The following KDM4C variants were observed in gnomAD, a reference collection of about 807,000 sequenced individuals.
The protein encoded by KDM4C is lysine-specific demethylase 4C.
In KDM4C, 81 loss-of-function variants were observed where a neutral mutation model predicts 129.3. The observed-to-expected ratio is 0.63, with a 90% CI of 0.52 to 0.75. The LOEUF is 0.75. Among genes scored for constraint, KDM4C ranks in the 30% least tolerant of loss-of-function variants. KDM4C has a pLI of 0.00. For synonymous variants in KDM4C, 573 were observed against 456.1 expected, an observed-to-expected ratio of 1.26 and a Z score of -3.26; for missense variants, 1,457 against 1,304.0, an observed-to-expected ratio of 1.12 and a Z score of -1.81.
In KDM4C at chr9:7,015,918, G is replaced by A. The variant is rs1281794398; in HGVS notation, c.2248G>A (p.Ala750Thr). Residue 750 changes from alanine to threonine, a missense_variant, in exon 15 of 22, where the codon GCG (alanine) becomes ACG (threonine). Coordinates refer to ENST00000381309, the MANE Select transcript of KDM4C (RefSeq NM_015061.6). Reference protein sequence around the residue: ...GWLCARCKRNAWTAECCLCNL... With the variant: ...GWLCARCKRNTWTAECCLCNL... ...GCTGTGTGCCCGGTGCAAAAGAAAT[G>A]CGTGGACAGCAGTAAGTAGCTTATT... 3.1e-6 allele frequency: 5 copies of A among 1,611,380 alleles called. No individual in the cohort carries two copies. Among genetic ancestry groups the A allele is most frequent in the Non-Finnish European group, 4.2e-6 (5 of 1,177,944 alleles).
At chr9:6,840,549 A>T (rs898324300) in intron 4 of KDM4C, among the ~76,000 whole-genome samples, 1 of 152,088 alleles carries the variant, frequency 6.6e-6, no homozygotes, top group African/African-American at 2.4e-5. Flanking sequence ...GGCGTCTGCC[A>T]CCACGCCTGG....
chr9:6,975,229 T>G (rs1272652613), intron 8 of KDM4C, among the ~76,000 whole-genome samples: 1 of 152,146 alleles, frequency 6.6e-6, no homozygotes, highest in Non-Finnish European at 1.5e-5. Flanking sequence ...GAAACTTATT[T>G]TGGAAAATTG....
chr9:6,990,548 ATTTTTT>A (rs35634202), intron 12 of KDM4C, 24 bp downstream of exon 12: 22 of 1,178,674 alleles, frequency 1.9e-5, no homozygotes, highest in South Asian at 4.4e-5. Flanking sequence ...CCTTTTTGGG[ATTTTTT>A]TTTTTTTTTT....
At chr9:6,949,085 G>T (rs1273932388) in intron 8 of KDM4C, among the ~76,000 whole-genome samples, 1 of 143,890 alleles carries the variant, frequency 6.9e-6, no homozygotes, top group African/African-American at 2.6e-5. Context: ...CCCATCTCCC[G>T]GACGGGGCGG....
intron 12 of KDM4C, among the ~76,000 whole-genome samples, chr9:7,004,097 G>T (rs1356826303): frequency 6.6e-6 from 1 of 152,198 alleles, no homozygotes; most frequent in Non-Finnish European, 1.5e-5. Context: ...GTGATGACTG[G>T]CAAAGGGAAA....
chr9:6,985,121 G>A (rs755728004), intron 10 of KDM4C, among the ~76,000 whole-genome samples: 1 of 152,148 alleles, frequency 6.6e-6, no homozygotes, highest in African/African-American at 2.4e-5. Context: ...CACCATAGCT[G>A]TTGCCTGGAT....
At chr9:6,933,149 C>T (rs1300656462) in intron 8 of KDM4C, among the ~76,000 whole-genome samples, 3 of 152,170 alleles carry the variant, frequency 2.0e-5, no homozygotes, top group African/African-American at 7.2e-5. Context: ...TAGACTATAG[C>T]ATAAATTGAA....
chr9:7,150,372 T>G (rs558256849), intron 19 of KDM4C, among the ~76,000 whole-genome samples: 1 of 152,196 alleles, frequency 6.6e-6, no homozygotes, highest in African/African-American at 2.4e-5. Context: ...CTGAACACAG[T>G]TGATGTCCTG....
intron 1 of KDM4C, among the ~76,000 whole-genome samples, chr9:6,734,055 G>A (rs1260268185): frequency 6.6e-6 from 1 of 152,116 alleles, no homozygotes; most frequent in Admixed American, 6.6e-5. Flanking sequence ...GACTTAGAAT[G>A]CGTTAACCGT....
intron 3 of KDM4C, 33 bp from the exon 4 acceptor site, chr9:6,814,598 G>A (rs565176974): frequency 7.4e-7 from 1 of 1,358,542 alleles, no homozygotes; most frequent in East Asian, 2.4e-5. Flanking sequence ...CTGACTTACT[G>A]GTTTGTACAT....
intron 8 of KDM4C, among the ~76,000 whole-genome samples, chr9:6,972,765 G>A (rs1044628392): frequency 2.6e-5 from 4 of 152,154 alleles, no homozygotes; most frequent in African/African-American, 7.2e-5. Flanking sequence ...TTTAAATCCA[G>A]TTCTTCTCAT....
At chr9:7,068,479 T>C (rs1285895891) in intron 17 of KDM4C, among the ~76,000 whole-genome samples, 1 of 152,134 alleles carries the variant, frequency 6.6e-6, no homozygotes, top group Non-Finnish European at 1.5e-5. Context: ...ATAATAATGG[T>C]TGTAAGCTTT....
At chr9:7,028,429 A>G (rs1435213899) in intron 15 of KDM4C, among the ~76,000 whole-genome samples, 1 of 151,780 alleles carries the variant, frequency 6.6e-6, no homozygotes, top group African/African-American at 2.4e-5. Flanking sequence ...GCCCAGTGCC[A>G]TGTCCTACAG....
intron 15 of KDM4C, among the ~76,000 whole-genome samples, chr9:7,021,689 G>T (rs112447727): frequency 2.0e-5 from 3 of 152,094 alleles, no homozygotes; most frequent in East Asian, 1.9e-4. Flanking sequence ...TTTTTACTTC[G>T]TTGCCTGTGT....
At chr9:6,839,275 G>C (rs1836456196) in intron 4 of KDM4C, among the ~76,000 whole-genome samples, 1 of 152,056 alleles carries the variant, frequency 6.6e-6, no homozygotes, top group Admixed American at 6.6e-5. Flanking sequence ...GGTTACCCAG[G>C]CTAGAGTGCA....
intron 19 of KDM4C, among the ~76,000 whole-genome samples, chr9:7,131,349 A>G (rs1475722656): frequency 6.6e-6 from 1 of 151,952 alleles, no homozygotes; most frequent in Non-Finnish European, 1.5e-5. Flanking sequence ...ACTATTGCTG[A>G]CTCTATAGGG....
chr9:6,935,345 GATTTTTATTCA>G (rs1824572074), intron 8 of KDM4C, among the ~76,000 whole-genome samples: 1 of 148,844 alleles, frequency 6.7e-6, no homozygotes, highest in African/African-American at 2.5e-5. Flanking sequence ...TCAAATGTTT[GATTTTTATTCA>G]ATTTTTATAT....
chr9:7,125,681 C>T (rs1839960521), intron 18 of KDM4C, among the ~76,000 whole-genome samples: 1 of 152,182 alleles, frequency 6.6e-6, no homozygotes, highest in Admixed American at 6.5e-5. Context: ...AACTGTATTT[C>T]CCAGGAGTGT....
intron 17 of KDM4C, among the ~76,000 whole-genome samples, chr9:7,082,642 C>G (rs886176508): frequency 6.6e-6 from 1 of 152,178 alleles, no homozygotes. Context: ...TGGCATTTGT[C>G]TGCTGACTTG....
Sources: gnomAD v4.1 joint callset for allele counts (sites outside exome capture counted in the v4.1 genomes callset) on GRCh38, gnomAD v4.1.1 for gene constraint, MANE v1.5 for transcripts, NCBI Gene and HGNC (gene_info 2026-07-23, HGNC 2026-07-21) for gene names.